RFC3: variants seen among roughly 807,000 people sequenced by gnomAD.
RFC3 encodes replication factor C subunit 3.
A neutral mutation model predicts 45.1 loss-of-function variants in RFC3; 41 were observed. That is an observed-to-expected ratio of 0.91 (90% CI 0.71 to 1.18). The LOEUF is 1.18. Ranked by LOEUF, RFC3 falls within the 50% of genes most tolerant of loss-of-function variation. RFC3 has a pLI of 0.00. For missense variants in RFC3, 423 were observed against 428.1 expected (o/e 0.99, Z 0.10); for synonymous variants, 149 against 144.0 (o/e 1.03, Z -0.25).
chr13:33,818,881 G>GT (rs72236854), intron 1 of RFC3, among the ~76,000 whole-genome samples: 5,215 of 111,660 alleles, frequency 0.047, 762 homozygotes, highest in African/African-American at 0.093. Context: ...CCTGAGATTA[G>GT]TTTTTTTTTT....
At chr13:33,887,017 G>C (rs1225598268) in intron 8 of RFC3, among the ~76,000 whole-genome samples, 24 of 147,676 alleles carry the variant, frequency 1.6e-4, no homozygotes, top group Non-Finnish European at 2.5e-4. Context: ...GCCACATTTT[G>C]TTAATCCAGT....
Position 33,820,587 on chromosome 13 carries a change from C to G in RFC3, c.88-545C>G, listed in dbSNP as rs79496724. Among the ~76,000 whole-genome samples, 1,329 of 152,262 alleles carry G rather than the reference C, an allele frequency of 8.7e-3. 16 individuals carry two copies. Among genetic ancestry groups the G allele is most frequent in the African/African-American group, 0.03 (1,238 of 41,534 alleles). On this transcript the variant is annotated intron_variant, in intron 1 of 8. Transcript: ENST00000380071. ...CCTTCCTTTCCCTGTTTCGCATCCC[C>G]ACTCTCCTATGAAGTTTTCCTTTAT...
intron 8 of RFC3, among the ~76,000 whole-genome samples, chr13:33,883,547 T>C (rs747302553): frequency 9.9e-5 from 15 of 151,810 alleles, no homozygotes; most frequent in South Asian, 2.1e-4. Flanking sequence ...CCTGAAACAA[T>C]TGGGGGAATC....
chr13:33,925,401 G>A (rs2082801986), intron 8 of RFC3, among the ~76,000 whole-genome samples: 1 of 136,072 alleles, frequency 7.3e-6, no homozygotes, highest in African/African-American at 3.1e-5. Flanking sequence ...CATACATAGT[G>A]TACTATATAC....
chr13:33,880,806 G>C (rs116984390), intron 8 of RFC3, among the ~76,000 whole-genome samples: 3 of 152,086 alleles, frequency 2.0e-5, no homozygotes, highest in African/African-American at 7.2e-5. Flanking sequence ...GGTGGCGCAC[G>C]CCTGTACTTG....
At chr13:33,951,930 A>G (rs1174934294) in intron 8 of RFC3, among the ~76,000 whole-genome samples, 1 of 152,218 alleles carries the variant, frequency 6.6e-6, no homozygotes, top group East Asian at 1.9e-4. Context: ...AACTATTCCA[A>G]GTTGGCATAG....
intron 8 of RFC3, among the ~76,000 whole-genome samples, chr13:33,951,319 G>T (rs1481993240): frequency 1.9e-4 from 28 of 149,220 alleles, no homozygotes; most frequent in Non-Finnish European, 3.4e-4. Context: ...TGCAACCTCT[G>T]CCTCCTGGTT....
At chr13:33,895,017 G>T (rs186993104) in intron 8 of RFC3, among the ~76,000 whole-genome samples, 28 of 152,216 alleles carry the variant, frequency 1.8e-4, no homozygotes, top group South Asian at 4.2e-4. Context: ...ATGGATCAAG[G>T]ATTTAAATGT....
intron 8 of RFC3, among the ~76,000 whole-genome samples, chr13:33,913,501 T>TA (rs2082715123): frequency 6.6e-6 from 1 of 152,154 alleles, no homozygotes; most frequent in Admixed American, 6.5e-5. Context: ...ACACAGAAGC[T>TA]AAAAACATGG....
At chr13:33,827,017 T>C (rs1341794415) in intron 4 of RFC3, among the ~76,000 whole-genome samples, 2 of 152,250 alleles carry the variant, frequency 1.3e-5, no homozygotes, top group Non-Finnish European at 2.9e-5. Context: ...TGAGTGTCTT[T>C]AACACAAATG....
chr13:33,930,345 C>T (rs1229765604), intron 8 of RFC3, among the ~76,000 whole-genome samples: 1 of 152,088 alleles, frequency 6.6e-6, no homozygotes, highest in Non-Finnish European at 1.5e-5. Context: ...CTGAAAGCCC[C>T]TCAGAAACCA....
chr13:33,830,733 A>G lies in RFC3; in HGVS notation c.588A>G (p.Leu196=). 1 of 1,610,148 alleles carries G rather than the reference A, an allele frequency of 6.2e-7. No individual in the cohort carries two copies. The highest frequency in any genetic ancestry group is 8.5e-7 in the Non-Finnish European group (1 of 1,178,622). The change falls in exon 6 of 9, where the codon TTA becomes TTG. Residue 196 remains leucine (L), a synonymous_variant. Coordinates refer to ENST00000380071, the MANE Select transcript of RFC3 (RefSeq NM_002915.4). ...TTTATTTGTAGATTTGCCACGTGTT[A>G]TCTACTGTGTGTAAGAAGGAAGGTC... ...APSIEDICHV[L]STVCKKEGLN...
intron 8 of RFC3, among the ~76,000 whole-genome samples, chr13:33,921,089 T>G (rs1176947112): frequency 6.6e-6 from 1 of 152,170 alleles, no homozygotes; most frequent in African/African-American, 2.4e-5. Flanking sequence ...ATTTGAAATC[T>G]TGAGTATCAA....
At chr13:33,877,058 T>C (rs1314692108) in intron 8 of RFC3, among the ~76,000 whole-genome samples, 1 of 152,370 alleles carries the variant, frequency 6.6e-6, no homozygotes. Flanking sequence ...TACTATTTAT[T>C]GATGGCTTAC....
intron 8 of RFC3, among the ~76,000 whole-genome samples, chr13:33,870,259 G>A (rs1025501990): frequency 6.6e-6 from 1 of 152,194 alleles, no homozygotes; most frequent in Non-Finnish European, 1.5e-5. Flanking sequence ...AGGTGCCTGG[G>A]TGGGCTTGTT....
intron 8 of RFC3, among the ~76,000 whole-genome samples, chr13:33,924,421 T>G (rs1403765156): frequency 6.6e-6 from 1 of 151,954 alleles, no homozygotes; most frequent in Non-Finnish European, 1.5e-5. Flanking sequence ...TGAGCTTTAC[T>G]GGAAAACAGC....
At chr13:33,862,770 A>G (rs1207123192) in intron 8 of RFC3, among the ~76,000 whole-genome samples, 1 of 152,210 alleles carries the variant, frequency 6.6e-6, no homozygotes, top group African/African-American at 2.4e-5. Context: ...CACTTTCTGC[A>G]ATTGACAATT....
intron 8 of RFC3, among the ~76,000 whole-genome samples, chr13:33,914,024 A>G (rs2082718448): frequency 1.3e-5 from 2 of 152,158 alleles, no homozygotes; most frequent in Admixed American, 6.6e-5. Flanking sequence ...TGGCCAATCA[A>G]TAGTAGACAG....
At chr13:33,924,892 T>A (rs2082793597) in intron 8 of RFC3, among the ~76,000 whole-genome samples, 1 of 150,620 alleles carries the variant, frequency 6.6e-6, no homozygotes. Context: ...AGAAATTAGA[T>A]CTTAAATGTT....
Sources: allele counts gnomAD v4.1 joint callset (sites outside exome capture counted in the v4.1 genomes callset), GRCh38; gene constraint gnomAD v4.1.1; transcripts MANE v1.5; gene names NCBI Gene and HGNC (gene_info 2026-07-23, HGNC 2026-07-21).